The following PPP2CA variants were observed in gnomAD, a reference collection of about 807,000 sequenced individuals.
The protein encoded by PPP2CA is protein phosphatase 2 catalytic subunit alpha.
In PPP2CA, 5 loss-of-function variants were observed where a neutral mutation model predicts 38.8. The observed-to-expected ratio is 0.13, with a 90% CI of 0.07 to 0.27. The LOEUF (loss-of-function observed/expected upper bound fraction) is 0.27. Among genes scored for constraint, PPP2CA ranks in the 10% least tolerant of loss-of-function variants. The probability of loss-of-function intolerance (pLI) is 1.00; values close to 1 mark genes in which losing one functional copy is unlikely to be tolerated. For missense variants in PPP2CA, 88 were observed against 389.7 expected, an observed-to-expected ratio of 0.23 and a Z score of 6.52; for synonymous variants, 152 against 134.0, an observed-to-expected ratio of 1.13 and a Z score of -0.93.
chr5:134,200,504 A>G lies in PPP2CA; in HGVS notation c.577-8T>C, dbSNP rs74648820. 3 of 1,605,720 alleles carry G rather than the reference A, an allele frequency of 1.9e-6. No homozygotes were observed. The highest frequency in any genetic ancestry group is 1.3e-5 in the African/African-American group (1 of 74,580). On this transcript the variant is annotated splice_region_variant and splice_polypyrimidine_tract_variant and intron_variant, in intron 4 of 6. Transcript: ENST00000481195. ...CAAGTCACACATTGGACCCTAAAAA[A>G]TAACTTCAAGTTATAAAATGCCTTT...
chr5:134,208,910 T>C (rs750822898), intron 1 of PPP2CA, among the ~76,000 whole-genome samples: 5 of 152,178 alleles, frequency 3.3e-5, no homozygotes, highest in Non-Finnish European at 5.9e-5. Flanking sequence ...TATTTTCTCA[T>C]AGTGGAGGCA....
At chr5:134,217,561 C>A (rs1762347919) in intron 1 of PPP2CA, among the ~76,000 whole-genome samples, 1 of 152,098 alleles carries the variant, frequency 6.6e-6, no homozygotes, top group South Asian at 2.1e-4. Flanking sequence ...TTGTCTCATA[C>A]TGTTTTTATG....
chr5:134,223,663 CT>C (rs1329838872), intron 1 of PPP2CA, among the ~76,000 whole-genome samples: 6 of 152,194 alleles, frequency 3.9e-5, no homozygotes, highest in Non-Finnish European at 8.8e-5. Context: ...GATGCATCAG[CT>C]TCACCCACCC....
At chr5:134,200,712 C>G (rs1006841697) in intron 4 of PPP2CA, among the ~76,000 whole-genome samples, 1 of 152,202 alleles carries the variant, frequency 6.6e-6, no homozygotes, top group Non-Finnish European at 1.5e-5. Flanking sequence ...TGGGACCCAG[C>G]AGCAACATGC....
At chr5:134,203,950 C>T (rs927125383) in intron 2 of PPP2CA, among the ~76,000 whole-genome samples, 9 of 152,174 alleles carry the variant, frequency 5.9e-5, no homozygotes, top group African/African-American at 2.2e-4. Context: ...AAAGGTAGCA[C>T]ATTCATTCCT....
intron 1 of PPP2CA, among the ~76,000 whole-genome samples, chr5:134,215,512 T>A (rs1338672036): frequency 5.3e-5 from 8 of 152,020 alleles, no homozygotes. Context: ...GAGGTGGAGG[T>A]TGCAGTGAGC....
In PPP2CA at chr5:134,214,370, A is replaced by G. The variant is rs1762274586; in HGVS notation, c.103-8239T>C. On this transcript the variant is annotated intron_variant, in intron 1 of 6. Transcript: ENST00000481195. ...TTTAAAACTACATAATGCCCTTCTA[A>G]ATAGACCTATACGTGTACAGTATTA... is the stretch of plus-strand genomic sequence containing the variant. Among the ~76,000 whole-genome samples the G allele has an allele frequency of 2.0e-5, 3 of 152,212 alleles. No homozygotes were observed. The South Asian group carries it at 6.2e-4, about 32-fold the overall frequency.
At chr5:134,222,965 C>T (rs769235464) in intron 1 of PPP2CA, among the ~76,000 whole-genome samples, 3 of 152,150 alleles carry the variant, frequency 2.0e-5, no homozygotes, top group Non-Finnish European at 4.4e-5. Flanking sequence ...CAGTTCTGAA[C>T]ATGTAACACT....
chr5:134,205,041 T>C (rs1163356944), intron 2 of PPP2CA, among the ~76,000 whole-genome samples: 1 of 151,010 alleles, frequency 6.6e-6, no homozygotes, highest in African/African-American at 2.4e-5. Context: ...CTCAGGCAAC[T>C]CTGCCCACCT....
chr5:134,202,492 C>CT (rs1345952936), intron 2 of PPP2CA: 1 of 154,260 alleles, frequency 6.5e-6, no homozygotes, highest in Non-Finnish European at 1.4e-5. Context: ...AAAATGTAGT[C>CT]TTTTGGCTAA....
At chr5:134,222,257 C>T (rs757396566) in intron 1 of PPP2CA, among the ~76,000 whole-genome samples, 123 of 152,128 alleles carry the variant, frequency 8.1e-4, no homozygotes, top group Admixed American at 1.8e-3. Flanking sequence ...ATGCTTCCCC[C>T]ACCTGCTTGT....
chr5:134,202,670 T>C (rs1761992620), intron 2 of PPP2CA, among the ~76,000 whole-genome samples: 1 of 152,238 alleles, frequency 6.6e-6, no homozygotes, highest in African/African-American at 2.4e-5. Flanking sequence ...TTGGCTACTA[T>C]GAATAATGTT....
At chr5:134,206,192 T>A in intron 1 of PPP2CA, 61 bp from the exon 2 acceptor site, 1 of 1,428,738 alleles carries the variant, frequency 7.0e-7, no homozygotes, top group South Asian at 1.2e-5. Flanking sequence ...TAACAAAGAT[T>A]TGTTTACTTA....
At chr5:134,221,867 C>T (rs917117752) in intron 1 of PPP2CA, among the ~76,000 whole-genome samples, 2 of 150,208 alleles carry the variant, frequency 1.3e-5, no homozygotes, top group Non-Finnish European at 2.9e-5. Flanking sequence ...ACTAGGGAGA[C>T]TGATGCAGGA....
At chr5:134,200,829 T>G in intron 4 of PPP2CA, 156 bp downstream of exon 4, 1 of 683,172 alleles carries the variant, frequency 1.5e-6, no homozygotes, top group African/African-American at 1.8e-5. Context: ...GGTTTCTTAA[T>G]GTCAGCTTCT....
At chr5:134,224,182 T>C (rs1762508813) in intron 1 of PPP2CA, 1 of 428,580 alleles carries the variant, frequency 2.3e-6, no homozygotes, top group Non-Finnish European at 4.6e-6. Context: ...TCATGTACAG[T>C]ACCTAGAAAT....
intron 1 of PPP2CA, among the ~76,000 whole-genome samples, chr5:134,218,087 G>A (rs1762359133): frequency 1.3e-5 from 2 of 151,820 alleles, no homozygotes; most frequent in Middle Eastern, 3.2e-3. Context: ...GTCCACCACT[G>A]ACCAAAATGT....
intron 1 of PPP2CA, among the ~76,000 whole-genome samples, chr5:134,210,680 C>A (rs1431608670): frequency 6.6e-6 from 1 of 152,112 alleles, no homozygotes; most frequent in Non-Finnish European, 1.5e-5. Context: ...CCCAGCTCTA[C>A]TAAAAAGCCA....
chr5:134,207,325 A>C (rs527257551), intron 1 of PPP2CA, among the ~76,000 whole-genome samples: 88 of 152,298 alleles, frequency 5.8e-4, no homozygotes, highest in Non-Finnish European at 1.1e-3. Context: ...GAATTGCTTA[A>C]ACTTGGGAGG....
Sources: gnomAD v4.1 joint callset for allele counts (sites outside exome capture counted in the v4.1 genomes callset) on GRCh38, gnomAD v4.1.1 for gene constraint, MANE v1.5 for transcripts, NCBI Gene and HGNC (gene_info 2026-07-23, HGNC 2026-07-21) for gene names.